ARAP2: variants seen among roughly 807,000 people sequenced by gnomAD.
ARAP2 encodes the protein arf-GAP with Rho-GAP domain, ANK repeat and PH domain-containing protein 2.
Under a neutral mutation model 194.5 loss-of-function variants are expected in ARAP2, and 148 were observed. The ratio of observed to expected loss-of-function variants is 0.76; its 90% confidence interval spans 0.67 to 0.87. The LOEUF is 0.87. ARAP2 is among the 40% of genes least tolerant of loss of function. The pLI is 0.00. For synonymous variants in ARAP2, 695 were observed against 683.5 expected, an observed-to-expected ratio of 1.02 and a Z score of -0.26; for missense variants, 2,128 against 1,989.7, an observed-to-expected ratio of 1.07 and a Z score of -1.32.
At chr4:36,065,320 TC>T, downstream of ARAP2, 1 of 494,422 alleles carries the variant, frequency 2.0e-6, no homozygotes, top group Non-Finnish European at 4.1e-6. Context: ...ACAGCAGATG[TC>T]CCAAAGAGCT....
intron 19 of ARAP2, among the ~76,000 whole-genome samples, chr4:36,135,673 A>G (rs1179687224): frequency 6.6e-6 from 1 of 151,834 alleles, no homozygotes; most frequent in Non-Finnish European, 1.5e-5. Flanking sequence ...GAAATCATAT[A>G]ACTCAGATAA....
At chr4:36,082,148 A>G in intron 30 of ARAP2, 103 bp downstream of exon 30, 1 of 1,130,878 alleles carries the variant, frequency 8.8e-7, no homozygotes, top group Non-Finnish European at 1.3e-6. Flanking sequence ...CACTTAGGCA[A>G]AACACTTTCC....
Position 36,147,357 on chromosome 4 carries a change from T to C in ARAP2, c.3202A>G (p.Ile1068Val), listed in dbSNP as rs148742461. Residue 1068 changes from isoleucine (I) to valine (V), a missense_variant and splice_region_variant, in exon 19 of 33, where the codon ATC becomes GTC. By Grantham distance (29) the Ile-to-Val change is conservative. Coordinates refer to ENST00000303965, the MANE Select transcript of ARAP2 (RefSeq NM_015230.4). The part of the protein sequence containing the change: ...MHLRRLQELT[I>V]STMVQNGEKL... The stretch of plus-strand genomic sequence containing the variant: ...TCCCCATTTTGAACCATTGTGCTGA[T>C]TGCTGAAGGGAGAATGAAAAGCAAA... The C allele has an allele frequency of 1.4e-4, 225 of 1,612,986 alleles. No homozygotes were observed. The highest frequency in any genetic ancestry group is 1.8e-4 in the Non-Finnish European group (208 of 1,179,272).
intron 5 of ARAP2, among the ~76,000 whole-genome samples, chr4:36,025,929 C>A (rs1717829790): frequency 6.6e-6 from 1 of 152,000 alleles, no homozygotes; most frequent in Non-Finnish European, 1.5e-5. Flanking sequence ...TTGTAAAATA[C>A]AGTCTTATTG....
chr4:36,037,567 G>A (rs1208497526), intron 5 of ARAP2, among the ~76,000 whole-genome samples: 2 of 152,072 alleles, frequency 1.3e-5, no homozygotes, highest in Non-Finnish European at 2.9e-5. Context: ...AAATTGTTTT[G>A]ATAGACAGAT....
intron 26 of ARAP2, among the ~76,000 whole-genome samples, chr4:36,110,776 T>G (rs1008202796): frequency 1.3e-5 from 2 of 151,902 alleles, no homozygotes; most frequent in African/African-American, 2.4e-5. Flanking sequence ...TTGTGCACCA[T>G]CTCACCAACG....
At chr4:36,207,260 ATTTAT>A (rs1168401986) in intron 6 of ARAP2, among the ~76,000 whole-genome samples, 1 of 152,224 alleles carries the variant, frequency 6.6e-6, no homozygotes, top group Non-Finnish European at 1.5e-5. Context: ...GAAGAAGATG[ATTTAT>A]TTTAATCCTC....
chr4:36,082,130 C>T (rs1007937016), intron 30 of ARAP2, 121 bp downstream of exon 30: 2 of 897,366 alleles, frequency 2.2e-6, no homozygotes, highest in Non-Finnish European at 3.4e-6. Flanking sequence ...TACAAACAAC[C>T]CTAATTTCAC....
intron 6 of ARAP2, among the ~76,000 whole-genome samples, chr4:36,017,564 TAAAAAAAAAAA>T (rs71199694): frequency 4.7e-5 from 2 of 42,572 alleles, no homozygotes; most frequent in Admixed American, 4.5e-4. Flanking sequence ...AAGAAAGTGG[TAAAAAAAAAAA>T]AAAAAAAAAA....
At chr4:36,208,652 A>C (rs1171550718) in intron 6 of ARAP2, among the ~76,000 whole-genome samples, 1 of 152,234 alleles carries the variant, frequency 6.6e-6, no homozygotes, top group East Asian at 1.9e-4. Context: ...CTAATTAGGA[A>C]AGGAAAAATT....
At chr4:36,170,864 A>G (rs112299483) in intron 9 of ARAP2, among the ~76,000 whole-genome samples, 39 of 152,272 alleles carry the variant, frequency 2.6e-4, no homozygotes, top group African/African-American at 9.1e-4. Context: ...GCTGCAAAAA[A>G]GCATAAGACT....
At chr4:36,216,977 C>T (rs1454162048) in intron 2 of ARAP2, among the ~76,000 whole-genome samples, 1 of 152,128 alleles carries the variant, frequency 6.6e-6, no homozygotes, top group Non-Finnish European at 1.5e-5. Flanking sequence ...TCTTACAGGA[C>T]CAATGTCATC....
At chr4:36,237,598 G>A (rs971831564) in intron 1 of ARAP2, among the ~76,000 whole-genome samples, 6 of 152,174 alleles carry the variant, frequency 3.9e-5, no homozygotes, top group African/African-American at 1.4e-4. Context: ...CATCTGATAT[G>A]CTAGCTTCCC....
At chr4:36,056,326 C>A (rs531331084) in intron 2 of ARAP2, among the ~76,000 whole-genome samples, 1 of 152,098 alleles carries the variant, frequency 6.6e-6, no homozygotes, top group Non-Finnish European at 1.5e-5. Flanking sequence ...TGGACTGTGA[C>A]CCTTGAAGCT....
At chr4:36,122,060 A>C (rs776961098) in intron 22 of ARAP2, among the ~76,000 whole-genome samples, 2 of 151,658 alleles carry the variant, frequency 1.3e-5, no homozygotes, top group Non-Finnish European at 2.9e-5. Flanking sequence ...CCACAATGAG[A>C]TATCATCTCA....
At chr4:36,073,174 T>C (rs1362420248) in intron 32 of ARAP2, among the ~76,000 whole-genome samples, 1 of 152,040 alleles carries the variant, frequency 6.6e-6, no homozygotes. Context: ...ACCCTCAAGG[T>C]GAGAAGGAAA....
chr4:36,117,680 A>C lies in ARAP2; in HGVS notation c.3964-545T>G, dbSNP rs145108889. Among the ~76,000 whole-genome samples, 1,236 of 151,812 alleles carry C rather than the reference A, an allele frequency of 8.1e-3. 13 individuals carry two copies. The highest frequency in any genetic ancestry group is 0.028 in the African/African-American group (1,179 of 41,522). On this transcript the variant is annotated intron_variant, in intron 24 of 32. Coordinates refer to ENST00000303965, the MANE Select transcript of ARAP2 (RefSeq NM_015230.4). ...GAGCTATATTAAAACTACAAATAAC[A>C]TAAATTTAGAAAGAAAAATAAAAGT...
chr4:36,128,374 A>C (rs1397420), intron 21 of ARAP2, among the ~76,000 whole-genome samples, 159 bp downstream of exon 21: 141,641 of 151,874 alleles, frequency 0.93, 66,132 homozygotes, highest in African/African-American at 0.98. Flanking sequence ...AATTTCTGTT[A>C]TCAGCCATTA....
chr4:36,165,197 C>G, intron 10 of ARAP2, 84 bp from the exon 11 acceptor site: 1 of 1,347,812 alleles, frequency 7.4e-7, no homozygotes, highest in East Asian at 2.4e-5. Flanking sequence ...ATTCATTTCA[C>G]TCACAAATTA....
Sources: gnomAD v4.1 joint callset for allele counts (sites outside exome capture counted in the v4.1 genomes callset) on GRCh38, gnomAD v4.1.1 for gene constraint, MANE v1.5 for transcripts, NCBI Gene and HGNC (gene_info 2026-07-23, HGNC 2026-07-21) for gene names.